NNT: variants seen among roughly 807,000 people sequenced by gnomAD.
NNT encodes the protein NAD(P) transhydrogenase, mitochondrial.
A neutral mutation model predicts 104.8 loss-of-function variants in NNT; 50 were observed. The observed-to-expected ratio is 0.48, with a 90% CI of 0.38 to 0.60. The LOEUF (loss-of-function observed/expected upper bound fraction) is 0.60. NNT is among the 20% of genes least tolerant of loss of function. The pLI is 0.00. For synonymous variants in NNT, 461 were observed against 490.4 expected (o/e 0.94, Z 0.79); for missense variants, 1,131 against 1,330.7 (o/e 0.85, Z 2.33).
chr5:43,671,998 T>C (rs180881050), intron 17 of NNT, among the ~76,000 whole-genome samples: 1 of 152,318 alleles, frequency 6.6e-6, no homozygotes, highest in East Asian at 1.9e-4. Context: ...TACTATTTTT[T>C]CTCTAAACTT....
intron 18 of NNT, 31 bp downstream of exon 18, chr5:43,675,701 A>G (rs1482230803): frequency 2.7e-6 from 4 of 1,488,428 alleles, no homozygotes; most frequent in Non-Finnish European, 3.6e-6. Flanking sequence ...CAAATAACCT[A>G]TAATAGCTGT....
intron 10 of NNT, 22 bp from the exon 11 acceptor site, chr5:43,649,125 A>C (rs527928060): frequency 6.2e-7 from 1 of 1,612,602 alleles, no homozygotes; most frequent in Admixed American, 1.7e-5. Context: ...GCTCAAACAC[A>C]CTCTTTACTC....
In NNT at chr5:43,616,101, A is replaced by G. The variant is rs757378255; in HGVS notation, c.599+36A>G. The G allele has an allele frequency of 7.8e-6, 12 of 1,541,132 alleles. 1 individual carries two copies. Among genetic ancestry groups the G allele is most frequent in the Non-Finnish European group, 1.1e-5 (12 of 1,118,616 alleles). On this transcript the variant is annotated intron_variant, in intron 4 of 21. Coordinates refer to ENST00000344920, the MANE Select transcript of NNT (RefSeq NM_182977.3). ...TTCCATTTCAATTGAACAAAAGCGCAATAGTGCTACAGAAACCTTCACACT... is the reference window on the plus strand; with the variant it reads ...TTCCATTTCAATTGAACAAAAGCGCGATAGTGCTACAGAAACCTTCACACT...
chr5:43,609,851 C>G (rs1222305869), intron 2 of NNT, among the ~76,000 whole-genome samples: 1 of 152,216 alleles, frequency 6.6e-6, no homozygotes, highest in Non-Finnish European at 1.5e-5. Flanking sequence ...TATCTACAAA[C>G]TGTCCTCTTC....
Position 43,615,907 on chromosome 5 carries a change from A to G in NNT, c.441A>G (p.Thr147=). 1.2e-6 allele frequency: 2 copies of G among 1,614,200 alleles called. No individual in the cohort carries two copies. Among genetic ancestry groups the G allele is most frequent in the Non-Finnish European group, 1.7e-6 (2 of 1,180,018 alleles). ...LGVHEADLLK[T]SGTLISFIYP... Reference sequence around the variant, plus strand: ...TTCATGAAGCTGACCTTTTAAAGACATCAGGAACGCTGATTAGTTTTATTT... The same window carrying G: ...TTCATGAAGCTGACCTTTTAAAGACGTCAGGAACGCTGATTAGTTTTATTT... The change falls in exon 4 of 22, where the codon ACA becomes ACG. Residue 147 remains threonine (T), a synonymous_variant. Transcript: ENST00000344920.
At chr5:43,658,289 C>G (rs945607875) in intron 16 of NNT, among the ~76,000 whole-genome samples, 1 of 152,042 alleles carries the variant, frequency 6.6e-6, no homozygotes, top group Non-Finnish European at 1.5e-5. Flanking sequence ...TTGCTTTTGG[C>G]TTAAATGAGT....
intron 3 of NNT, among the ~76,000 whole-genome samples, chr5:43,615,584 T>C (rs887589427): frequency 6.6e-6 from 1 of 152,228 alleles, no homozygotes; most frequent in Non-Finnish European, 1.5e-5. Flanking sequence ...CTGCAGTTAA[T>C]TGTCAAACCA....
At chr5:43,665,540 C>G (rs1020086610) in intron 17 of NNT, among the ~76,000 whole-genome samples, 1 of 152,154 alleles carries the variant, frequency 6.6e-6, no homozygotes, top group Non-Finnish European at 1.5e-5. Context: ...TCAGAAAGCA[C>G]CGGGTTGGGG....
intron 6 of NNT, among the ~76,000 whole-genome samples, chr5:43,626,709 A>G (rs1366490057): frequency 1.3e-5 from 2 of 151,486 alleles, no homozygotes; most frequent in East Asian, 3.9e-4. Context: ...ATTGCTAGTG[A>G]TATTTTGGTG....
At chr5:43,681,414 T>G (rs1255857261) in intron 19 of NNT, among the ~76,000 whole-genome samples, 1 of 152,178 alleles carries the variant, frequency 6.6e-6, no homozygotes, top group African/African-American at 2.4e-5. Context: ...TATTTTGTTT[T>G]TGAGATGGAG....
intron 1 of NNT, among the ~76,000 whole-genome samples, chr5:43,604,039 T>A (rs1749073937): frequency 6.6e-6 from 1 of 152,100 alleles, no homozygotes; most frequent in African/African-American, 2.4e-5. Flanking sequence ...CGGGTGGCAG[T>A]TAGTTGCCGA....
intron 14 of NNT, among the ~76,000 whole-genome samples, chr5:43,655,341 A>C (rs552889486): frequency 6.6e-6 from 1 of 152,314 alleles, no homozygotes; most frequent in African/African-American, 2.4e-5. Flanking sequence ...TTGAAAGGGT[A>C]TACAAGTTGA....
chr5:43,619,083 TC>T lies in NNT; in HGVS notation c.652del (p.Gln218ArgfsTer14), dbSNP rs1749934814. ...ANHFGRFFTG[Q>X]ITAAGKVPPA... ...ATCATTTTGGACGTTTTTTTACTGG[TC>T]AGATCACAGCTGCTGGAAAAGTTCC... On this transcript the variant is annotated frameshift_variant, in exon 5 of 22. Transcript: ENST00000344920. LOFTEE classifies it high-confidence loss of function. 2 of 1,558,362 alleles carry T rather than the reference TC, an allele frequency of 1.3e-6. No individual in the cohort carries two copies. The highest frequency in any genetic ancestry group is 1.4e-5 in the African/African-American group (1 of 73,466).
chr5:43,695,669 T>C (rs534473340), intron 19 of NNT, among the ~76,000 whole-genome samples: 104 of 152,328 alleles, frequency 6.8e-4, no homozygotes, highest in African/African-American at 2.5e-3. Context: ...TAGTCCATTT[T>C]CATGCTGCTG....
rs201999314 is a variant in NNT, at chr5:43,691,074, T to A, written c.2877-9045T>A. Among the ~76,000 whole-genome samples, 1,024 of 125,104 alleles carry A rather than the reference T, an allele frequency of 8.2e-3. 8 individuals carry two copies. The highest frequency in any genetic ancestry group is 0.024 in the African/African-American group (778 of 33,084). The allele number at this position is 125,104 out of a possible 152,430, so 82.1% of individuals were successfully genotyped here. A position where few individuals can be genotyped will look rare whatever the true frequency, so the allele number is the denominator to read the frequency against. ...GATCCAGAATTTTTTTGAGAGAGTG[T>A]GTGTGTGTGTGTGTGTGTGTGTGTG... On this transcript the variant is annotated intron_variant, in intron 19 of 21. Transcript: ENST00000344920.
At chr5:43,645,683 C>CTCTATATATATATATA (rs1386181675) in intron 10 of NNT, 173 bp downstream of exon 10, 1 of 45,744 alleles carries the variant, frequency 2.2e-5, no homozygotes, top group East Asian at 9.9e-4. Flanking sequence ...CTCTCTCTCT[C>CTCTATATATATATATA]TATATATATA....
intron 19 of NNT, among the ~76,000 whole-genome samples, chr5:43,697,648 G>A (rs181386748): frequency 1.3e-5 from 2 of 152,330 alleles, no homozygotes. Context: ...TGGACTTACA[G>A]TTCCACAAGG....
chr5:43,641,840 C>G (rs189971907), intron 7 of NNT, among the ~76,000 whole-genome samples: 1 of 152,304 alleles, frequency 6.6e-6, no homozygotes, highest in African/African-American at 2.4e-5. Context: ...CAACTTATCT[C>G]TGTTAAGATG....
intron 2 of NNT, among the ~76,000 whole-genome samples, chr5:43,610,140 G>GT (rs1206562788): frequency 1.3e-5 from 2 of 151,824 alleles, no homozygotes; most frequent in Non-Finnish European, 2.9e-5. Flanking sequence ...CTGTTCTGGG[G>GT]TACAGGCCAG....
Sources: allele counts gnomAD v4.1 joint callset (sites outside exome capture counted in the v4.1 genomes callset), GRCh38; gene constraint gnomAD v4.1.1; transcripts MANE v1.5; gene names NCBI Gene and HGNC (gene_info 2026-07-23, HGNC 2026-07-21).